Variants in COL4A6 observed in about 807,000 individuals in gnomAD.
COL4A6 encodes collagen type IV alpha 6 chain, also known as collagen alpha-6(IV) chain.
In COL4A6, 59 loss-of-function variants were observed where a neutral mutation model predicts 126.7. The observed-to-expected ratio is 0.47, with a 90% CI of 0.38 to 0.58. The LOEUF (loss-of-function observed/expected upper bound fraction) is 0.58. COL4A6 is among the 20% of genes least tolerant of loss of function. The pLI, the probability that COL4A6 is intolerant of heterozygous loss-of-function variation, is 0.00. For missense variants in COL4A6, 1,285 were observed against 1,337.3 expected (o/e 0.96, Z 0.61); for synonymous variants, 547 against 496.6 (o/e 1.10, Z -1.35).
At position 108,155,713 on chromosome X, in the gene COL4A6, T is replaced by G. The variant is rs2033713200; in HGVS notation, c.*1287A>C. On this transcript the variant is annotated 3_prime_UTR_variant, in exon 45 of 45. Coordinates refer to ENST00000334504, the MANE Select transcript of COL4A6 (RefSeq NM_033641.4). ...ATAATTCAGATTATATTGATTATGC[T>G]TTGTCTGTATTGGCACAGTTTATAT... 8.9e-6 allele frequency: 1 copy of G among 112,178 alleles called. No homozygotes were observed. Among genetic ancestry groups the G allele is most frequent in the African/African-American group, 3.2e-5 (1 of 30,867 alleles). The allele number at this position is 112,178 out of a possible 1,213,427, so 9.2% of individuals were successfully genotyped here. A position where few individuals can be genotyped will look rare whatever the true frequency, so the allele number is the denominator to read the frequency against.
intron 2 of COL4A6, among the ~76,000 whole-genome samples, chrX:108,431,816 G>A (rs1443205902): frequency 8.9e-6 from 1 of 111,775 alleles, no homozygotes; most frequent in Non-Finnish European, 1.9e-5. Context: ...AGAACAAACA[G>A]AGAATGCAAA....
At chrX:108,407,409 CA>C (rs1689827543) in intron 2 of COL4A6, among the ~76,000 whole-genome samples, 1 of 111,479 alleles carries the variant, frequency 9.0e-6, no homozygotes, top group African/African-American at 3.3e-5. Flanking sequence ...TAGAGGAAGA[CA>C]AAAAAGAAAA....
intron 3 of COL4A6, among the ~76,000 whole-genome samples, chrX:108,310,182 A>T (rs1343271935): frequency 8.9e-6 from 1 of 112,021 alleles, no homozygotes; most frequent in Non-Finnish European, 1.9e-5. Context: ...TGAACTGTGC[A>T]TTGCTAATGA....
chrX:108,420,146 C>T (rs1033042550), intron 2 of COL4A6, among the ~76,000 whole-genome samples: 19 of 111,560 alleles, frequency 1.7e-4, no homozygotes, highest in Admixed American at 1.4e-3. Flanking sequence ...CTTCAGGGCA[C>T]ATGGTAGGAT....
At chrX:108,317,524 G>A (rs993176613) in intron 2 of COL4A6, among the ~76,000 whole-genome samples, 5 of 111,982 alleles carry the variant, frequency 4.5e-5, no homozygotes, top group African/African-American at 1.6e-4. Flanking sequence ...CTGAATGGTA[G>A]TGCCTAGGTT....
At chrX:108,225,875 T>C (rs2036153918) in intron 3 of COL4A6, among the ~76,000 whole-genome samples, 1 of 112,688 alleles carries the variant, frequency 8.9e-6, no homozygotes, top group African/African-American at 3.2e-5. Context: ...AGGAAGAATC[T>C]GAAACTCATT....
At chrX:108,324,589 T>A (rs1199746555) in intron 2 of COL4A6, among the ~76,000 whole-genome samples, 4 of 112,064 alleles carry the variant, frequency 3.6e-5, no homozygotes, top group Non-Finnish European at 7.5e-5. Flanking sequence ...AACTTTTTAG[T>A]ATGAGTATGT....
At chrX:108,162,654 T>G (rs1268375828) in intron 41 of COL4A6, among the ~76,000 whole-genome samples, 1 of 110,400 alleles carries the variant, frequency 9.1e-6, no homozygotes, top group Non-Finnish European at 1.9e-5. Flanking sequence ...GAGGGGCGAG[T>G]GGTCTGGAGT....
At chrX:108,407,378 A>G (rs2041227985) in intron 2 of COL4A6, among the ~76,000 whole-genome samples, 1 of 112,450 alleles carries the variant, frequency 8.9e-6, no homozygotes, top group Non-Finnish European at 1.9e-5. Flanking sequence ...TTTAAAATTT[A>G]CAGTAATGTT....
intron 3 of COL4A6, among the ~76,000 whole-genome samples, chrX:108,305,835 G>T (rs899417261): frequency 8.0e-5 from 9 of 111,870 alleles, no homozygotes; most frequent in African/African-American, 2.3e-4. Context: ...ATTTAGGAAG[G>T]AGTACATCTG....
At chrX:108,253,262 C>A (rs1414135481) in intron 3 of COL4A6, among the ~76,000 whole-genome samples, 1 of 111,779 alleles carries the variant, frequency 8.9e-6, no homozygotes, top group Admixed American at 9.5e-5. Flanking sequence ...AGAGACTCCA[C>A]TATGAAACTC....
In COL4A6 at chrX:108,310,794, T is replaced by A; in HGVS notation, c.98A>T (p.Gln33Leu). 8.3e-7 allele frequency: 1 copy of A among 1,210,451 alleles called. No homozygotes were observed. The highest frequency in any genetic ancestry group is 1.1e-6 in the Non-Finnish European group (1 of 894,508). ...ACACTGACAGCTCCCACTGCAGTCC[T>A]GGCCCCCACATGGCTTTCCATAAGA... ...EKSYGKPCGG[Q>L]DCSGSCQCFP... The change falls in exon 3 of 45, where the codon CAG becomes CTG. Residue 33 changes from glutamine (Q) to leucine (L), a missense_variant. Physicochemically the swap from Gln to Leu is moderately radical, Grantham distance 113. Transcript: ENST00000334504.
chrX:108,326,463 C>T (rs773573624), intron 2 of COL4A6, among the ~76,000 whole-genome samples: 13 of 111,921 alleles, frequency 1.2e-4, no homozygotes, highest in African/African-American at 3.6e-4. Context: ...GCAATTTGAA[C>T]ATGTATATGA....
chrX:108,383,403 C>T (rs878987033), intron 2 of COL4A6: 5 of 482,760 alleles, frequency 1.0e-5, no homozygotes, highest in Non-Finnish European at 1.6e-5. Flanking sequence ...CTGACTCAAG[C>T]AGCATCCTCA....
intron 3 of COL4A6, among the ~76,000 whole-genome samples, chrX:108,267,077 C>G (rs1318000911): frequency 8.9e-6 from 1 of 111,793 alleles, no homozygotes; most frequent in East Asian, 2.8e-4. Flanking sequence ...TTTTGGAGGC[C>G]CTAGGGGGAA....
At chrX:108,201,271 T>G (rs2035384312) in intron 13 of COL4A6, among the ~76,000 whole-genome samples, 1 of 111,901 alleles carries the variant, frequency 8.9e-6, no homozygotes, top group South Asian at 3.8e-4. Context: ...CATCTTTGAT[T>G]CATCCATTTC....
intron 3 of COL4A6, among the ~76,000 whole-genome samples, chrX:108,245,148 A>C (rs1441655536): frequency 7.1e-5 from 8 of 112,490 alleles, no homozygotes; most frequent in Non-Finnish European, 1.5e-4. Flanking sequence ...AGACTATTTT[A>C]ACAGAAGGGT....
intron 3 of COL4A6, among the ~76,000 whole-genome samples, chrX:108,298,197 G>A (rs2038380748): frequency 8.9e-6 from 1 of 111,770 alleles, no homozygotes; most frequent in Non-Finnish European, 1.9e-5. Flanking sequence ...TGAGGGGGGT[G>A]TTTGGAACAA....
intron 2 of COL4A6, among the ~76,000 whole-genome samples, chrX:108,320,106 C>G (rs898473762): frequency 4.5e-5 from 5 of 111,654 alleles, no homozygotes; most frequent in Non-Finnish European, 7.5e-5. Context: ...ATTTTTTCCT[C>G]TCAGTGAAAC....
Sources: gnomAD v4.1 joint callset for allele counts (sites outside exome capture counted in the v4.1 genomes callset) on GRCh38, gnomAD v4.1.1 for gene constraint, MANE v1.5 for transcripts, NCBI Gene and HGNC (gene_info 2026-07-23, HGNC 2026-07-21) for gene names.